The following RSPO2 variants were observed in gnomAD, a reference collection of about 807,000 sequenced individuals.
RSPO2 encodes the protein R-spondin-2.
RSPO2 carries 14 observed loss-of-function variants against 30.9 expected under a neutral mutation model. The observed-to-expected ratio is 0.45, with a 90% CI of 0.30 to 0.71. The LOEUF (loss-of-function observed/expected upper bound fraction) is 0.71. RSPO2 is among the 30% of genes least tolerant of loss of function. RSPO2 has a pLI of 0.08. For synonymous variants in RSPO2, 107 were observed against 96.4 expected (o/e 1.11, Z -0.64); for missense variants, 264 against 301.9 (o/e 0.87, Z 0.93).
chr8:107,908,390 T>TTGTGC, intron 5 of RSPO2, among the ~76,000 whole-genome samples: 1 of 152,282 alleles, frequency 6.6e-6, no homozygotes, highest in East Asian at 1.9e-4. Flanking sequence ...AAGAGATAGT[T>TTGTGC]TTAAAACTAT....
intron 2 of RSPO2, chr8:108,081,884 C>T (rs1813210710): frequency 6.2e-6 from 6 of 973,002 alleles, no homozygotes; most frequent in Non-Finnish European, 7.2e-6. Context: ...GGCGAGGACT[C>T]CCCAGAAAAC....
chr8:107,996,767 A>G (rs1014982387), intron 2 of RSPO2: 1 of 304,040 alleles, frequency 3.3e-6, no homozygotes, highest in Non-Finnish European at 6.4e-6. Flanking sequence ...ATGTATCAGG[A>G]GCCAACTTTC....
chr8:108,044,884 G>A (rs924062204), intron 2 of RSPO2, among the ~76,000 whole-genome samples: 2 of 152,024 alleles, frequency 1.3e-5, no homozygotes, highest in African/African-American at 4.8e-5. Context: ...TATGCAGAAG[G>A]ATGAAACTGG....
chr8:107,941,179 T>C (rs972232682), intron 5 of RSPO2, among the ~76,000 whole-genome samples: 13 of 152,116 alleles, frequency 8.5e-5, no homozygotes, highest in Admixed American at 3.3e-4. Flanking sequence ...TCTGAAATAA[T>C]TATTTGAGAT....
intron 2 of RSPO2, among the ~76,000 whole-genome samples, chr8:108,063,445 A>G (rs529024355): frequency 6.6e-5 from 10 of 151,940 alleles, no homozygotes; most frequent in Admixed American, 5.9e-4. Flanking sequence ...CTTCAAAGAG[A>G]ATAAAATGCC....
intron 5 of RSPO2, among the ~76,000 whole-genome samples, chr8:107,937,161 T>TC (rs1812746820): frequency 6.6e-6 from 1 of 151,618 alleles, no homozygotes; most frequent in Admixed American, 6.6e-5. Flanking sequence ...GTTGTTTTTT[T>TC]TTTTTTTTAT....
chr8:108,054,494 A>T (rs555224466), intron 2 of RSPO2, among the ~76,000 whole-genome samples: 1 of 152,100 alleles, frequency 6.6e-6, no homozygotes, highest in Non-Finnish European at 1.5e-5. Context: ...CCCACATTCC[A>T]TGAGTCAAAA....
At chr8:107,926,340 A>T (rs1426498320) in intron 5 of RSPO2, among the ~76,000 whole-genome samples, 1 of 151,984 alleles carries the variant, frequency 6.6e-6, no homozygotes, top group African/African-American at 2.4e-5. Flanking sequence ...ATTTTCTCCT[A>T]TTCTGTAGGT....
intron 2 of RSPO2, among the ~76,000 whole-genome samples, chr8:108,053,965 T>A (rs1812155999): frequency 6.6e-6 from 1 of 152,192 alleles, no homozygotes; most frequent in Middle Eastern, 3.2e-3. Context: ...ACAGTGCTCC[T>A]TCCCCTTTGA....
chr8:108,062,614 G>C (rs1011103511), intron 2 of RSPO2, among the ~76,000 whole-genome samples: 1 of 151,818 alleles, frequency 6.6e-6, no homozygotes, highest in African/African-American at 2.4e-5. Flanking sequence ...ACAAGGAGGA[G>C]TTGGTACCAT....
intron 2 of RSPO2, among the ~76,000 whole-genome samples, chr8:108,075,467 C>T (rs144110433): frequency 1.7e-4 from 26 of 148,848 alleles, no homozygotes; most frequent in African/African-American, 5.4e-4. Flanking sequence ...GCAACAAGAG[C>T]GAAATTCCAT....
intron 5 of RSPO2, among the ~76,000 whole-genome samples, chr8:107,955,555 A>G (rs886859079): frequency 1.3e-5 from 2 of 152,180 alleles, no homozygotes; most frequent in Admixed American, 1.3e-4. Flanking sequence ...ATTTCCAGAT[A>G]TTATTTGATT....
intron 5 of RSPO2, among the ~76,000 whole-genome samples, chr8:107,909,726 ATAAC>A (rs1811763117): frequency 6.6e-6 from 1 of 152,224 alleles, no homozygotes; most frequent in Non-Finnish European, 1.5e-5. Flanking sequence ...TTCTGCATAA[ATAAC>A]AACTTCTCTG....
At chr8:107,992,509 C>A (rs1223670123) in intron 2 of RSPO2, among the ~76,000 whole-genome samples, 1 of 152,074 alleles carries the variant, frequency 6.6e-6, no homozygotes, top group Non-Finnish European at 1.5e-5. Context: ...CCCCATGACA[C>A]AAGTTTACCT....
At chr8:108,076,439 G>A (rs1813016675) in intron 2 of RSPO2, among the ~76,000 whole-genome samples, 1 of 152,192 alleles carries the variant, frequency 6.6e-6, no homozygotes, top group African/African-American at 2.4e-5. Flanking sequence ...GTAGATGCTG[G>A]AGGATGAGGA....
intron 2 of RSPO2, among the ~76,000 whole-genome samples, chr8:108,046,650 T>C (rs887652675): frequency 6.6e-6 from 1 of 152,084 alleles, no homozygotes; most frequent in African/African-American, 2.4e-5. Flanking sequence ...CAAAAAAAAC[T>C]GCTCTATTAA....
chr8:107,952,844 T>A (rs1236620364), intron 5 of RSPO2, among the ~76,000 whole-genome samples: 1 of 152,194 alleles, frequency 6.6e-6, no homozygotes, highest in Non-Finnish European at 1.5e-5. Flanking sequence ...AAAGTAGATT[T>A]TTGCAGAGAT....
chr8:107,960,853 A>C, intron 3 of RSPO2, 36 bp from the exon 4 acceptor site: 2 of 1,480,138 alleles, frequency 1.4e-6, no homozygotes, highest in Non-Finnish European at 1.8e-6. Context: ...AGAAAATTTC[A>C]GTCAAAGAAA....
At chr8:107,958,291 GA>G (rs200202092) in intron 4 of RSPO2, 23 bp from the exon 5 acceptor site, 16 of 1,537,178 alleles carry the variant, frequency 1.0e-5, no homozygotes, top group East Asian at 6.9e-5. Flanking sequence ...TTTAGAAAAA[GA>G]AAAAAAAACA....
Sources: allele counts gnomAD v4.1 joint callset (sites outside exome capture counted in the v4.1 genomes callset), GRCh38; gene constraint gnomAD v4.1.1; transcripts MANE v1.5; gene names NCBI Gene and HGNC (gene_info 2026-07-23, HGNC 2026-07-21).